DAB1: variants seen among roughly 807,000 people sequenced by gnomAD.
The protein encoded by DAB1 is disabled homolog 1.
Under a neutral mutation model 64.6 loss-of-function variants are expected in DAB1, and 15 were observed. That is an observed-to-expected ratio of 0.23 (90% CI 0.16 to 0.36). The LOEUF (loss-of-function observed/expected upper bound fraction) is 0.36. Among genes scored for constraint, DAB1 ranks in the 10% least tolerant of loss-of-function variants. The probability of loss-of-function intolerance (pLI) is 1.00; values close to 1 mark genes in which losing one functional copy is unlikely to be tolerated. For synonymous variants in DAB1, 235 were observed against 251.9 expected (o/e 0.93, Z 0.64); for missense variants, 596 against 706.7 (o/e 0.84, Z 1.78).
chr1:58,118,489 TATATATATATATATAC>T (rs1285803540), intron 5 of DAB1, among the ~76,000 whole-genome samples: 1 of 80,612 alleles, frequency 1.2e-5, no homozygotes, highest in Non-Finnish European at 2.2e-5. Flanking sequence ...TATATATATA[TATATATATATATATAC>T]ACACACACAC....
intron 7 of DAB1, among the ~76,000 whole-genome samples, chr1:57,473,584 A>T (rs1438932768): frequency 6.6e-6 from 1 of 152,212 alleles, no homozygotes; most frequent in African/African-American, 2.4e-5. Flanking sequence ...CTAAATGATA[A>T]ATCAATTTCA....
chr1:57,226,534 T>A (rs1243562325), intron 2 of DAB1, among the ~76,000 whole-genome samples: 1 of 151,982 alleles, frequency 6.6e-6, no homozygotes, highest in Non-Finnish European at 1.5e-5. Flanking sequence ...CACCACTTCC[T>A]CTTTGGTCTG....
intron 3 of DAB1, among the ~76,000 whole-genome samples, chr1:58,453,570 G>A (rs1411775424): frequency 2.0e-5 from 3 of 152,070 alleles, no homozygotes; most frequent in Non-Finnish European, 2.9e-5. Flanking sequence ...CAGGTGGCCC[G>A]TGACCCGAGG....
chr1:57,869,773 G>T (rs188457572), intron 1 of DAB1, among the ~76,000 whole-genome samples: 2 of 152,236 alleles, frequency 1.3e-5, no homozygotes, highest in African/African-American at 4.8e-5. Context: ...GAACTAGGAT[G>T]CTGGGTAGAA....
At chr1:58,511,636 A>AAC (rs371601891) in intron 2 of DAB1, among the ~76,000 whole-genome samples, 99 of 151,140 alleles carry the variant, frequency 6.6e-4, no homozygotes, top group African/African-American at 1.7e-3. Flanking sequence ...CTCAAAAACG[A>AAC]ACACACACAC....
chr1:57,226,672 A>AAAAAAAAAATATATATAT (rs747021990), intron 2 of DAB1, among the ~76,000 whole-genome samples: 2 of 136,014 alleles, frequency 1.5e-5, no homozygotes, highest in African/African-American at 6.2e-5. Context: ...TTAAAAAAAA[A>AAAAAAAAAATATATATAT]ATATATATAT....
At chr1:57,021,689 T>G (rs752748811) in intron 11 of DAB1, among the ~76,000 whole-genome samples, 1 of 152,206 alleles carries the variant, frequency 6.6e-6, no homozygotes, top group Non-Finnish European at 1.5e-5. Flanking sequence ...AGCGTGAGAA[T>G]GGACTAATAC....
chr1:57,196,871 A>G (rs1252531363), intron 2 of DAB1, among the ~76,000 whole-genome samples: 1 of 152,224 alleles, frequency 6.6e-6, no homozygotes, highest in Admixed American at 6.5e-5. Context: ...ACAACTATAC[A>G]TGATAATAAC....
chr1:57,023,706 G>T (rs1646695475), intron 10 of DAB1, 67 bp from the exon 11 acceptor site: 3 of 1,024,302 alleles, frequency 2.9e-6, no homozygotes, highest in Admixed American at 3.9e-5. Context: ...CTGGGAGGTA[G>T]CAGATGCAGG....
At chr1:57,572,207 C>G (rs1464071616) in intron 7 of DAB1, among the ~76,000 whole-genome samples, 1 of 152,202 alleles carries the variant, frequency 6.6e-6, no homozygotes, top group Non-Finnish European at 1.5e-5. Context: ...GAATGAAACT[C>G]TCACATGGCG....
chr1:57,663,773 C>CCTTATTAAT (rs1646415046), intron 6 of DAB1, among the ~76,000 whole-genome samples: 1 of 152,042 alleles, frequency 6.6e-6, no homozygotes, highest in Non-Finnish European at 1.5e-5. Context: ...ATTAATATTA[C>CCTTATTAAT]ATTCTTCTGG....
intron 4 of DAB1, among the ~76,000 whole-genome samples, chr1:58,220,378 A>G (rs573984753): frequency 6.6e-6 from 1 of 152,294 alleles, no homozygotes; most frequent in Admixed American, 6.5e-5. Context: ...TTCTAACATG[A>G]CCATGGCCAT....
At chr1:58,223,973 C>T (rs1659321525) in intron 4 of DAB1, among the ~76,000 whole-genome samples, 2 of 152,204 alleles carry the variant, frequency 1.3e-5, no homozygotes, top group African/African-American at 4.8e-5. Context: ...CTATCTGCTC[C>T]TCCTGTCTCC....
chr1:57,128,465 A>G (rs1041716369), intron 4 of DAB1, among the ~76,000 whole-genome samples: 8 of 152,212 alleles, frequency 5.3e-5, no homozygotes, highest in Admixed American at 6.5e-5. Context: ...GAACATAGCC[A>G]CAGTCATTTG....
chr1:57,290,274 G>T (rs1477921689), intron 2 of DAB1, among the ~76,000 whole-genome samples: 2 of 152,044 alleles, frequency 1.3e-5, no homozygotes, highest in Non-Finnish European at 2.9e-5. Flanking sequence ...AAGAGCAACA[G>T]AAAAGGATTT....
intron 3 of DAB1, among the ~76,000 whole-genome samples, chr1:58,413,296 C>CT (rs1644687442): frequency 6.6e-6 from 1 of 152,200 alleles, no homozygotes; most frequent in Non-Finnish European, 1.5e-5. Context: ...TTAAATTCAG[C>CT]AGGCACCATG....
At chr1:58,178,210 T>C (rs1656592365) in intron 4 of DAB1, among the ~76,000 whole-genome samples, 1 of 152,198 alleles carries the variant, frequency 6.6e-6, no homozygotes, top group African/African-American at 2.4e-5. Flanking sequence ...TTTGGACATA[T>C]TTGCCTGTAT....
intron 7 of DAB1, among the ~76,000 whole-genome samples, chr1:57,512,225 T>A (rs1429856754): frequency 6.6e-6 from 1 of 152,194 alleles, no homozygotes; most frequent in African/African-American, 2.4e-5. Flanking sequence ...TATATGTCTG[T>A]CTCACCCAAC....
intron 6 of DAB1, among the ~76,000 whole-genome samples, chr1:57,678,489 T>G (rs74762550): frequency 0.021 from 3,184 of 152,154 alleles, 108 homozygotes; most frequent in African/African-American, 0.068. Context: ...CAATAACTAA[T>G]GTAATATAAA....
Sources: allele counts gnomAD v4.1 joint callset (sites outside exome capture counted in the v4.1 genomes callset), GRCh38; gene constraint gnomAD v4.1.1; transcripts MANE v1.5; gene names NCBI Gene and HGNC (gene_info 2026-07-23, HGNC 2026-07-21).